Variants in SGMS1 observed in about 807,000 individuals in gnomAD.
The protein encoded by SGMS1 is phosphatidylcholine:ceramide cholinephosphotransferase 1.
A neutral mutation model predicts 46.2 loss-of-function variants in SGMS1; 13 were observed. The ratio of observed to expected loss-of-function variants is 0.28; its 90% CI spans 0.18 to 0.45. The LOEUF is 0.45. Among genes scored for constraint, SGMS1 ranks in the 20% least tolerant of loss-of-function variants. The probability of loss-of-function intolerance (pLI) is 1.00; values close to 1 mark genes in which losing one functional copy is unlikely to be tolerated. For synonymous variants in SGMS1, 203 were observed against 187.8 expected (o/e 1.08, Z -0.66); for missense variants, 324 against 519.9 (o/e 0.62, Z 3.66).
intron 3 of SGMS1, among the ~76,000 whole-genome samples, chr10:50,473,121 T>C (rs893940520): frequency 1.3e-5 from 2 of 152,146 alleles, no homozygotes; most frequent in Non-Finnish European, 2.9e-5. Flanking sequence ...CTAACATGTT[T>C]AGTTTAACTA....
intron 3 of SGMS1, among the ~76,000 whole-genome samples, chr10:50,475,579 T>C (rs1402775795): frequency 2.6e-5 from 4 of 152,210 alleles, no homozygotes; most frequent in African/African-American, 9.7e-5. Flanking sequence ...CAGGTTGATA[T>C]AGTTTGGCTC....
In SGMS1 at chr10:50,402,865, G is replaced by GT. The variant is rs1177583186; in HGVS notation, c.-232+30610dup. 7.2e-5 allele frequency among the ~76,000 whole-genome samples: 11 copies of GT among 152,056 alleles called. No homozygotes were observed. The East Asian group carries it at 2.1e-3, about 29-fold the overall frequency. ...CAGTGTACCCTGTACCCCATAGGTA[G>GT]TTTTTTATCCATTACCTTCCTCCCT... On this transcript the variant is annotated intron_variant, in intron 6 of 10. Transcript: ENST00000361781.
intron 9 of SGMS1, among the ~76,000 whole-genome samples, chr10:50,309,421 G>A (rs915853937): frequency 6.6e-6 from 1 of 152,112 alleles, no homozygotes; most frequent in Non-Finnish European, 1.5e-5. Flanking sequence ...TCTTCCCAGG[G>A]TCATAGAGCT....
chr10:50,400,377 C>CTGGCATATAGA (rs1191755651), intron 6 of SGMS1, among the ~76,000 whole-genome samples: 1 of 122,126 alleles, frequency 8.2e-6, no homozygotes, highest in African/African-American at 3.4e-5. Context: ...AAACACAAGA[C>CTGGCATATAGA]CTATAGAACA....
Position 50,413,769 on chromosome 10 carries a change from G to C in SGMS1, c.-232+19707C>G, listed in dbSNP as rs759703838. Among the ~76,000 whole-genome samples the C allele has an allele frequency of 7.9e-5, 12 of 152,332 alleles. 1 individual carries two copies. The South Asian group carries it at 1.2e-3, about 16-fold the overall frequency. On this transcript the variant is annotated intron_variant, in intron 6 of 10. Transcript: ENST00000361781. ...CCCAAGATCATAACAACTGGTTGAA[G>C]ACTGTACTGATCTGATTTGGACTGG...
intron 8 of SGMS1, among the ~76,000 whole-genome samples, chr10:50,324,640 C>G (rs1847500844): frequency 6.6e-6 from 1 of 152,176 alleles, no homozygotes; most frequent in South Asian, 2.1e-4. Flanking sequence ...GAAGCCTTTC[C>G]CAACTCTTGT....
intron 2 of SGMS1, among the ~76,000 whole-genome samples, chr10:50,558,348 T>C (rs1838205883): frequency 6.6e-6 from 1 of 152,190 alleles, no homozygotes; most frequent in Non-Finnish European, 1.5e-5. Context: ...ATATGACCTT[T>C]CACTCCCATG....
chr10:50,460,365 A>G (rs1317021109), intron 5 of SGMS1, among the ~76,000 whole-genome samples: 1 of 152,218 alleles, frequency 6.6e-6, no homozygotes, highest in Non-Finnish European at 1.5e-5. Flanking sequence ...CTCCCAGGAA[A>G]GAAGGCAATG....
At chr10:50,432,409 C>T (rs1027746888) in intron 6 of SGMS1, among the ~76,000 whole-genome samples, 1 of 152,164 alleles carries the variant, frequency 6.6e-6, no homozygotes, top group Non-Finnish European at 1.5e-5. Context: ...TGTGCTACTA[C>T]ATAAGACTTC....
chr10:50,556,508 C>T (rs1221657178), intron 2 of SGMS1, among the ~76,000 whole-genome samples: 3 of 152,090 alleles, frequency 2.0e-5, no homozygotes, highest in East Asian at 1.9e-4. Flanking sequence ...CCAGGGAAAG[C>T]GGAAACAGGT....
chr10:50,355,432 G>A (rs574390302), intron 6 of SGMS1, among the ~76,000 whole-genome samples: 9 of 152,260 alleles, frequency 5.9e-5, no homozygotes, highest in East Asian at 3.9e-4. Flanking sequence ...GCGCCACCAC[G>A]CCTGACTGGT....
At chr10:50,384,273 G>T (rs972533190) in intron 6 of SGMS1, among the ~76,000 whole-genome samples, 2 of 152,126 alleles carry the variant, frequency 1.3e-5, no homozygotes, top group African/African-American at 2.4e-5. Context: ...TCTTGAGTAA[G>T]TTATCTAACA....
chr10:50,366,081 G>A (rs1848338030), intron 6 of SGMS1, among the ~76,000 whole-genome samples: 1 of 152,152 alleles, frequency 6.6e-6, no homozygotes, highest in Non-Finnish European at 1.5e-5. Context: ...TGATGAATGG[G>A]ATCTGATTAA....
intron 6 of SGMS1, among the ~76,000 whole-genome samples, chr10:50,430,243 G>A (rs886539455): frequency 5.3e-5 from 8 of 152,016 alleles, no homozygotes; most frequent in Non-Finnish European, 8.8e-5. Flanking sequence ...ATGAAAAGTT[G>A]AAAACAAAAA....
At chr10:50,325,212 T>C (rs942321034) in intron 8 of SGMS1, among the ~76,000 whole-genome samples, 2 of 152,168 alleles carry the variant, frequency 1.3e-5, no homozygotes, top group African/African-American at 4.8e-5. Flanking sequence ...AATTATTGAA[T>C]CTGAGTGTTG....
chr10:50,409,767 A>G (rs1849071526), intron 6 of SGMS1, among the ~76,000 whole-genome samples: 1 of 152,222 alleles, frequency 6.6e-6, no homozygotes, highest in South Asian at 2.1e-4. Flanking sequence ...AGGAACAGAT[A>G]ACTTCAGGAA....
intron 2 of SGMS1, among the ~76,000 whole-genome samples, chr10:50,535,452 G>A (rs369418195): frequency 2.0e-5 from 3 of 151,438 alleles, no homozygotes; most frequent in East Asian, 2.0e-4. Flanking sequence ...TGCAACCTCC[G>A]CCTCCCGGGT....
intron 1 of SGMS1, among the ~76,000 whole-genome samples, chr10:50,591,916 A>G (rs561453294): frequency 7.9e-5 from 12 of 152,356 alleles, no homozygotes; most frequent in African/African-American, 2.9e-4. Context: ...AGTATCAATG[A>G]CTAACACGCG....
chr10:50,311,241 A>G (rs760396232), intron 9 of SGMS1, 21 bp downstream of exon 9: 22 of 1,601,544 alleles, frequency 1.4e-5, no homozygotes, highest in African/African-American at 4.0e-5. Context: ...GGAAATTACA[A>G]TGGAAGTCTT....
Sources: gnomAD v4.1 joint callset for allele counts (sites outside exome capture counted in the v4.1 genomes callset) on GRCh38, gnomAD v4.1.1 for gene constraint, MANE v1.5 for transcripts, NCBI Gene and HGNC (gene_info 2026-07-23, HGNC 2026-07-21) for gene names.